TACR1: variants seen among roughly 807,000 people sequenced by gnomAD.
The protein encoded by TACR1 is substance-P receptor.
TACR1 carries 25 observed loss-of-function variants against 35.8 expected under a neutral mutation model. The observed-to-expected ratio is 0.70, with a 90% CI of 0.51 to 0.98. The LOEUF is 0.98. Ranked by LOEUF, TACR1 falls within the 50% of genes least tolerant of loss-of-function variation. The probability of loss-of-function intolerance (pLI) is 0.00; values close to 1 mark genes in which losing one functional copy is unlikely to be tolerated. For missense variants in TACR1, 478 were observed against 522.9 expected, an observed-to-expected ratio of 0.91 and a Z score of 0.84; for synonymous variants, 195 against 206.7, an observed-to-expected ratio of 0.94 and a Z score of 0.48.
intron 2 of TACR1, among the ~76,000 whole-genome samples, chr2:75,069,829 A>G (rs1672839980): frequency 6.6e-6 from 1 of 152,138 alleles, no homozygotes; most frequent in Admixed American, 6.5e-5. Flanking sequence ...ACATGCTATT[A>G]TTATTATTTA....
chr2:75,152,308 C>T (rs1348442808), intron 1 of TACR1, among the ~76,000 whole-genome samples: 1 of 151,940 alleles, frequency 6.6e-6, no homozygotes, highest in Non-Finnish European at 1.5e-5. Flanking sequence ...ATAATTCCCA[C>T]GTGTTGTGGG....
rs943671884 is a variant in TACR1 at position 75,139,845 on chromosome 2, G to A, written c.390-19077C>T. Among the ~76,000 whole-genome samples the A allele has an allele frequency of 2.6e-5, 4 of 152,290 alleles. No homozygotes were observed. The South Asian group carries it at 6.2e-4, about 24-fold the overall frequency. On this transcript the variant is annotated intron_variant, in intron 1 of 4. Coordinates refer to ENST00000305249, the MANE Select transcript of TACR1 (RefSeq NM_001058.4). ...AAGGGGGAAAACAGTGAGGGGAGGC[G>A]TGAGAGGAGCACTGGAAAGATTAGA...
At chr2:75,112,442 A>G (rs1673770737) in intron 2 of TACR1, among the ~76,000 whole-genome samples, 1 of 152,124 alleles carries the variant, frequency 6.6e-6, no homozygotes, top group South Asian at 2.1e-4. Flanking sequence ...GGAATTATAT[A>G]AAGATAGAAG....
At chr2:75,175,502 A>G (rs1675390452) in intron 1 of TACR1, among the ~76,000 whole-genome samples, 1 of 152,246 alleles carries the variant, frequency 6.6e-6, no homozygotes, top group African/African-American at 2.4e-5. Context: ...CAGAGACTCT[A>G]GGAGAATAAC....
At chr2:75,169,094 A>T (rs1279261178) in intron 1 of TACR1, among the ~76,000 whole-genome samples, 1 of 152,198 alleles carries the variant, frequency 6.6e-6, no homozygotes, top group African/African-American at 2.4e-5. Context: ...TTAAATCTTT[A>T]TCTAATACTT....
chr2:75,116,141 G>C (rs1673853597), intron 2 of TACR1, among the ~76,000 whole-genome samples: 1 of 151,914 alleles, frequency 6.6e-6, no homozygotes, highest in South Asian at 2.1e-4. Context: ...ATTTCACTCT[G>C]TCACCCAGGC....
At chr2:75,169,927 G>T (rs865931945) in intron 1 of TACR1, among the ~76,000 whole-genome samples, 1 of 151,984 alleles carries the variant, frequency 6.6e-6, no homozygotes, top group South Asian at 2.1e-4. Flanking sequence ...ACAAATTTGG[G>T]TTTTCTGTTT....
chr2:75,090,480 C>T (rs1572923830), intron 2 of TACR1, among the ~76,000 whole-genome samples: 2 of 152,210 alleles, frequency 1.3e-5, no homozygotes, highest in Admixed American at 6.5e-5. Flanking sequence ...AAACTTTGGT[C>T]TCCACAACCT....
At chr2:75,106,374 T>A (rs1673645210) in intron 2 of TACR1, among the ~76,000 whole-genome samples, 1 of 152,040 alleles carries the variant, frequency 6.6e-6, no homozygotes, top group Non-Finnish European at 1.5e-5. Context: ...TCAGAAATCA[T>A]GGAACCTCTG....
chr2:75,171,360 T>G (rs1675278695), intron 1 of TACR1, among the ~76,000 whole-genome samples: 1 of 152,128 alleles, frequency 6.6e-6, no homozygotes, highest in Non-Finnish European at 1.5e-5. Context: ...TTTCAGAGGA[T>G]GTATGAAAAT....
chr2:75,097,231 C>T (rs1039280001), intron 2 of TACR1, among the ~76,000 whole-genome samples: 5 of 152,042 alleles, frequency 3.3e-5, no homozygotes, highest in Non-Finnish European at 7.4e-5. Flanking sequence ...ATAAAGATAG[C>T]GAAGTGTTTT....
rs183478270 is a variant in TACR1, at chr2:75,137,526, T to C, written c.390-16758A>G. On this transcript the variant is annotated intron_variant, in intron 1 of 4. Transcript: ENST00000305249. ...GGATCACGAGGTCAGGAGATCGAGA[T>C]CATCCTGGCTAACACAGTGAAACCC... Among the ~76,000 whole-genome samples, 522 of 151,480 alleles carry C rather than the reference T, an allele frequency of 3.4e-3. 3 individuals are homozygous for C. Among genetic ancestry groups the C allele is most frequent in the African/African-American group, 0.011 (468 of 41,336 alleles).
chr2:75,173,755 A>C (rs1034943319), intron 1 of TACR1, among the ~76,000 whole-genome samples: 2 of 152,222 alleles, frequency 1.3e-5, no homozygotes, highest in Admixed American at 6.5e-5. Flanking sequence ...AAGTATATTC[A>C]TCATACTTTT....
chr2:75,065,105 TGAGGCAG>T (rs1672739173), intron 2 of TACR1, among the ~76,000 whole-genome samples: 1 of 152,200 alleles, frequency 6.6e-6, no homozygotes, highest in South Asian at 2.1e-4. Flanking sequence ...TACGGAAATG[TGAGGCAG>T]GTAACTGCCA....
intron 2 of TACR1, among the ~76,000 whole-genome samples, chr2:75,087,020 A>G (rs1004733424): frequency 6.6e-6 from 1 of 152,226 alleles, no homozygotes; most frequent in Non-Finnish European, 1.5e-5. Flanking sequence ...GGCTGGTCCA[A>G]TTGACCTGTG....
intron 2 of TACR1, among the ~76,000 whole-genome samples, chr2:75,120,146 A>G (rs1673937787): frequency 6.6e-6 from 1 of 152,156 alleles, no homozygotes; most frequent in South Asian, 2.1e-4. Context: ...CCATAGACAG[A>G]GCAGCCCCTC....
intron 1 of TACR1, among the ~76,000 whole-genome samples, chr2:75,160,288 A>G (rs942513363): frequency 6.6e-6 from 1 of 152,150 alleles, no homozygotes; most frequent in Non-Finnish European, 1.5e-5. Flanking sequence ...ATGAGTACGT[A>G]TTATAAAAGG....
chr2:75,166,863 G>C (rs1251355858), intron 1 of TACR1, among the ~76,000 whole-genome samples: 1 of 152,230 alleles, frequency 6.6e-6, no homozygotes, highest in Non-Finnish European at 1.5e-5. Context: ...GTCATCCTGA[G>C]ATGCAGCTGC....
At chr2:75,185,996 A>G (rs1675685336) in intron 1 of TACR1, among the ~76,000 whole-genome samples, 1 of 152,244 alleles carries the variant, frequency 6.6e-6, no homozygotes, top group African/African-American at 2.4e-5. Context: ...AAAGTTTATT[A>G]CATAAAATAT....
Sources: allele counts gnomAD v4.1 joint callset (sites outside exome capture counted in the v4.1 genomes callset), GRCh38; gene constraint gnomAD v4.1.1; transcripts MANE v1.5; gene names NCBI Gene and HGNC (gene_info 2026-07-23, HGNC 2026-07-21).